Variants in ZNFX1 observed in about 807,000 individuals in gnomAD.
ZNFX1 encodes NFX1-type zinc finger-containing protein 1.
In ZNFX1, 78 loss-of-function variants were observed where a neutral mutation model predicts 179.8. That is an observed-to-expected ratio of 0.43 (90% CI 0.36 to 0.52). The LOEUF (loss-of-function observed/expected upper bound fraction) is 0.52. Among genes scored for constraint, ZNFX1 ranks in the 20% least tolerant of loss-of-function variants. The probability of loss-of-function intolerance (pLI) is 0.00; values close to 1 mark genes in which losing one functional copy is unlikely to be tolerated. For synonymous variants in ZNFX1, 848 were observed against 868.5 expected (o/e 0.98, Z 0.42); for missense variants, 1,927 against 2,386.6 (o/e 0.81, Z 4.01).
Position 49,246,872 on chromosome 20 carries a change from A to ATT in ZNFX1, c.*393_*394dup. Reference sequence around the variant, plus strand: ...GTAGGTGCTAAGACTAAAAAGAATGATTTTTTTTTTTTTGAGACAGAGTCT... The same window carrying ATT: ...GTAGGTGCTAAGACTAAAAAGAATGATTTTTTTTTTTTTTTGAGACAGAGTCT... On this transcript the variant is annotated 3_prime_UTR_variant, in exon 14 of 14. Coordinates refer to ENST00000396105, the MANE Select transcript of ZNFX1 (RefSeq NM_021035.3). 2.3e-6 allele frequency: 1 copy of ATT among 427,734 alleles called. No individual in the cohort carries two copies. Among genetic ancestry groups the ATT allele is most frequent in the Admixed American group, 2.5e-5 (1 of 39,910 alleles). The allele number at this position is 427,734 out of a possible 1,614,324, so 26.5% of individuals were successfully genotyped here.
In ZNFX1 at chr20:49,248,747, C is replaced by T. The variant is rs1238402063; in HGVS notation, c.4277G>A (p.Gly1426Asp). Residue 1426 changes from glycine (G) to aspartate (D), a missense_variant, in exon 14 of 14, where the codon GGT (glycine) becomes GAT (aspartate). Coordinates refer to ENST00000396105, the MANE Select transcript of ZNFX1 (RefSeq NM_021035.3). This position sits in a 1 kb window ranked among gnomAD's most constrained non-coding sequence, Gnocchi z 4.6. Reference protein sequence around the residue: ...CGHVEGLLYGGLLVKCTTKCG... With the variant: ...CGHVEGLLYGDLLVKCTTKCG... ...CTTTGTGGTACACTTGACTAGCAGA[C>T]CACCATACAGGAGGCCTTCCACATG... is the stretch of plus-strand genomic sequence containing the variant. 6.2e-7 allele frequency: 1 copy of T among 1,613,472 alleles called. No homozygotes were observed. Among genetic ancestry groups the T allele is most frequent in the Non-Finnish European group, 8.5e-7 (1 of 1,180,054 alleles).
At chr20:49,250,402 C>T (rs889926434) in intron 13 of ZNFX1, among the ~76,000 whole-genome samples, 18 of 152,344 alleles carry the variant, frequency 1.2e-4, no homozygotes, top group Admixed American at 1.0e-3. Flanking sequence ...ATATACATTA[C>T]CTCCTTCCAT....
intron 2 of ZNFX1, among the ~76,000 whole-genome samples, chr20:49,272,389 C>A (rs1484102095): frequency 1.3e-5 from 2 of 152,090 alleles, no homozygotes; most frequent in Admixed American, 1.3e-4. Flanking sequence ...CTTGGCCAGG[C>A]TGGTCTTGAA....
In ZNFX1 at chr20:49,248,107, C is replaced by A. The variant is rs1312245571; in HGVS notation, c.4917G>T (p.Arg1639=). 3 of 1,614,190 alleles carry A rather than the reference C, an allele frequency of 1.9e-6. No homozygotes were observed. The highest frequency in any genetic ancestry group is 1.7e-6 in the Non-Finnish European group (2 of 1,180,042). The stretch of plus-strand genomic sequence containing the variant: ...CCTTGATGATTTCAATCTCTTCTAG[C>A]CGCTGTTTTATGCTAGTTCCATACC... The part of the protein sequence containing the change: ...NLRYGTSIKQ[R]LEEIEIIKEK... The change falls in exon 14 of 14, where the codon CGG becomes CGT. Residue 1639 remains arginine, a synonymous_variant. Transcript: ENST00000396105. This position sits in a 1 kb window ranked among gnomAD's most constrained non-coding sequence, Gnocchi z 4.6.
At position 49,255,940 on chromosome 20, in the gene ZNFX1, C is replaced by T. The variant is rs139411491; in HGVS notation, c.2672G>A (p.Arg891His). ...EQATGEWQTQ[R>H]NQKKKMKKRV... Reference sequence around the variant, plus strand: ...TTTTTTCATTTTCTTTTTCTGGTTGCGCTGGGTCTGCAGACATCAATACCA... The same window carrying T: ...TTTTTTCATTTTCTTTTTCTGGTTGTGCTGGGTCTGCAGACATCAATACCA... Residue 891 changes from arginine (R) to histidine (H), a missense_variant, in exon 9 of 14, where the codon CGC (arginine) becomes CAC (histidine). Physicochemically the swap from Arg to His is conservative, Grantham distance 29. Transcript: ENST00000396105. The T allele has an allele frequency of 7.4e-4, 1,202 of 1,613,898 alleles. 3 individuals are homozygous for T. Among genetic ancestry groups the T allele is most frequent in the Non-Finnish European group, 9.3e-4 (1,097 of 1,179,956 alleles).
intron 8 of ZNFX1, 130 bp downstream of exon 8, chr20:49,257,287 C>T: frequency 7.6e-7 from 1 of 1,313,532 alleles, no homozygotes; most frequent in Non-Finnish European, 1.0e-6. Flanking sequence ...CCATCTCATA[C>T]CAGGGGTAGG....
In ZNFX1 at chr20:49,247,051, TA is replaced by T. The variant is rs1980693148; in HGVS notation, c.*215del. 1.8e-6 allele frequency: 1 copy of T among 563,744 alleles called. No individual in the cohort carries two copies. The highest frequency in any genetic ancestry group is 1.9e-5 in the African/African-American group (1 of 52,900). The allele number at this position is 563,744 out of a possible 1,614,324, so 34.9% of individuals were successfully genotyped here. On this transcript the variant is annotated 3_prime_UTR_variant, in exon 14 of 14. Transcript: ENST00000396105. ...GCCCAGCTAATTTTTGTATTTTTAG[TA>T]GAGACGGGGTTTCGCCATGTTGGTC...
rs1165664470 is a variant in ZNFX1, at chr20:49,264,735, A to C, written c.2132T>G (p.Leu711Arg). 3 of 1,614,024 alleles carry C rather than the reference A, an allele frequency of 1.9e-6. No individual in the cohort carries two copies. Among genetic ancestry groups the C allele is most frequent in the East Asian group, 2.2e-5 (1 of 44,884 alleles). The change falls in exon 5 of 14, where the codon CTC becomes CGC. Residue 711 changes from leucine to arginine, a missense_variant. Physicochemically the swap from Leu to Arg is moderately radical, Grantham distance 102 (BLOSUM62 -2). Coordinates refer to ENST00000396105, the MANE Select transcript of ZNFX1 (RefSeq NM_021035.3). The stretch of plus-strand genomic sequence containing the variant: ...ACTTACACTCATGTAGGCCCTTCGG[A>C]GGTGCATGGGGAGGTTGCGGCGGAA... Reference protein sequence around the residue: ...REFRRNLPMHLRRAYMSIMTQ... With the variant: ...REFRRNLPMHRRRAYMSIMTQ...
chr20:49,268,422 C>T (rs539285263), intron 3 of ZNFX1, among the ~76,000 whole-genome samples: 4 of 152,220 alleles, frequency 2.6e-5, no homozygotes, highest in African/African-American at 9.6e-5. Context: ...ATTGGAAAAT[C>T]CCTATGAGCA....
rs890589022 is a variant in ZNFX1, at chr20:49,247,109, C to T, written c.*158G>A. ...GTCTCGAACTCCTGACCTCGTGATCCGCCTGCCTCGGCCTCCCAAAGTGCT... is the reference window on the plus strand; with the variant it reads ...GTCTCGAACTCCTGACCTCGTGATCTGCCTGCCTCGGCCTCCCAAAGTGCT... On this transcript the variant is annotated 3_prime_UTR_variant, in exon 14 of 14. Coordinates refer to ENST00000396105, the MANE Select transcript of ZNFX1 (RefSeq NM_021035.3). The T allele has an allele frequency of 6.0e-5, 57 of 952,898 alleles. No individual in the cohort carries two copies. Among genetic ancestry groups the T allele is most frequent in the African/African-American group, 2.5e-4 (15 of 60,414 alleles). The allele number at this position is 952,898 out of a possible 1,614,324, so 59.0% of individuals were successfully genotyped here. A position where few individuals can be genotyped will look rare whatever the true frequency, so the allele number is the denominator to read the frequency against.
chr20:49,271,073 T>C lies in ZNFX1; in HGVS notation c.739A>G (p.Ile247Val). 6.2e-7 allele frequency: 1 copy of C among 1,614,162 alleles called. No individual in the cohort carries two copies. Among genetic ancestry groups the C allele is most frequent in the Non-Finnish European group, 8.5e-7 (1 of 1,180,032 alleles). Residue 247 changes from isoleucine to valine, a missense_variant, in exon 3 of 14, where the codon ATC becomes GTC. By Grantham distance (29) the Ile-to-Val change is conservative. Coordinates refer to ENST00000396105, the MANE Select transcript of ZNFX1 (RefSeq NM_021035.3). ...RNQYPEHISN[I>V]ISLLQDLVSV... ...ACAAGGTCCTGGAGGAGGGAGATGA[T>C]GTTGCTTATGTGCTCTGGATACTGG...
chr20:49,266,339 T>A, intron 3 of ZNFX1, 73 bp from the exon 4 acceptor site: 1 of 1,372,314 alleles, frequency 7.3e-7, no homozygotes, highest in African/African-American at 1.5e-5. Flanking sequence ...GAGCAAAATC[T>A]TTTTTTAAAT....
Position 49,253,798 on chromosome 20 carries a change from G to A in ZNFX1, c.2973C>T (p.Tyr991=), listed in dbSNP as rs767449948. ...GCTCCACCTTCTGTAGGATCTGGCG[G>A]TATTTGGCAGCACCTCAAGTGAGGA... ...VGMTTTGAAK[Y]RQILQKVEPR... Residue 991 remains tyrosine, a synonymous_variant, in exon 11 of 14, where the codon TAC becomes TAT. Coordinates refer to ENST00000396105, the MANE Select transcript of ZNFX1 (RefSeq NM_021035.3). 3 of 1,614,118 alleles carry A rather than the reference G, an allele frequency of 1.9e-6. No individual in the cohort carries two copies. The highest frequency in any genetic ancestry group is 2.7e-5 in the African/African-American group (2 of 75,040).
chr20:49,249,797 AC>A, intron 13 of ZNFX1, 86 bp from the exon 14 acceptor site: 2 of 1,434,982 alleles, frequency 1.4e-6, no homozygotes, highest in East Asian at 4.6e-5. Flanking sequence ...CTGGCCACTT[AC>A]TCTGCTCCAG....
In ZNFX1 at chr20:49,270,915, C is replaced by T. The variant is rs774793045; in HGVS notation, c.897G>A (p.Gln299=). 2 of 1,614,128 alleles carry T rather than the reference C, an allele frequency of 1.2e-6. No homozygotes were observed. Among genetic ancestry groups the T allele is most frequent in the Admixed American group, 1.7e-5 (1 of 60,010 alleles). ...EETEKNLEKV[Q]TIIEHLQEKR... ...TTTCCTGCAGATGTTCAATGATAGT[C>T]TGTACCTTTTCCAGGTTCTTCTCCG... The change falls in exon 3 of 14, where the codon CAG becomes CAA. Residue 299 remains glutamine (Q), a synonymous_variant. Transcript: ENST00000396105. This position sits in a 1 kb window ranked among gnomAD's most constrained non-coding sequence, Gnocchi z 4.6.
At chr20:49,257,069 G>A (rs1568983711) in intron 8 of ZNFX1, among the ~76,000 whole-genome samples, 1 of 152,120 alleles carries the variant, frequency 6.6e-6, no homozygotes, top group Non-Finnish European at 1.5e-5. Context: ...CTTAGTACAT[G>A]TTCACAAACT....
Position 49,266,176 on chromosome 20 carries a change from A to G in ZNFX1, c.1961T>C (p.Val654Ala), listed in dbSNP as rs1339352717. ...QISLQKFPIL[V>A]VCYTNHALDQ... ...CAAAGCATGATTAGTATAACACACA[A>G]CCAAGATGGGGAACTTCTGGAGGCT... Residue 654 changes from valine to alanine, a missense_variant, in exon 4 of 14, where the codon GTT becomes GCT. Physicochemically the swap from Val to Ala is moderately conservative, Grantham distance 64. Coordinates refer to ENST00000396105, the MANE Select transcript of ZNFX1 (RefSeq NM_021035.3). The G allele has an allele frequency of 1.9e-6, 3 of 1,613,164 alleles. No individual in the cohort carries two copies. The highest frequency in any genetic ancestry group is 2.5e-6 in the Non-Finnish European group (3 of 1,179,690).
At chr20:49,254,723 C>T in intron 9 of ZNFX1, 74 bp from the exon 10 acceptor site, 1 of 1,525,824 alleles carries the variant, frequency 6.6e-7, no homozygotes, top group East Asian at 2.3e-5. Context: ...CTTCAGTGTG[C>T]CCAGTGTATG....
rs1981357954 is a variant in ZNFX1, at chr20:49,270,591, G to T, written c.1221C>A (p.Asp407Glu). The change falls in exon 3 of 14, where the codon GAC becomes GAA. Residue 407 changes from aspartate (D) to glutamate (E), a missense_variant. Transcript: ENST00000396105. This position sits in a 1 kb window ranked among gnomAD's most constrained non-coding sequence, Gnocchi z 4.6. ...TCCTGGTGTCAAAGTAGATTCGGAT[G>T]TCATCAAACTTTCTCTTCCTCAGGC... Reference protein sequence around the residue: ...DQGLRKRKFDDIRIYFDTRII... With the variant: ...DQGLRKRKFDEIRIYFDTRII... 6.2e-7 allele frequency: 1 copy of T among 1,614,210 alleles called. No individual in the cohort carries two copies. The highest frequency in any genetic ancestry group is 2.2e-5 in the East Asian group (1 of 44,884).
Sources: gnomAD v4.1 joint callset for allele counts (sites outside exome capture counted in the v4.1 genomes callset) on GRCh38, gnomAD v4.1.1 for gene constraint, Gnocchi (gnomAD v3.1) non-coding constraint, MANE v1.5 for transcripts, NCBI Gene and HGNC (gene_info 2026-07-23, HGNC 2026-07-21) for gene names.